Variants in CRYAB observed in about 807,000 individuals in gnomAD.
The protein encoded by CRYAB is crystallin alpha B, also known as alpha-crystallin B chain.
In CRYAB, 9 loss-of-function variants were observed where a neutral mutation model predicts 12.7. The observed-to-expected ratio is 0.71, with a 90% CI of 0.43 to 1.24. CRYAB has a LOEUF of 1.24. CRYAB is among the 50% of genes most tolerant of loss of function. The probability of loss-of-function intolerance (pLI) is 0.00; values close to 1 mark genes in which losing one functional copy is unlikely to be tolerated. For missense variants in CRYAB, 183 were observed against 226.6 expected, an observed-to-expected ratio of 0.81 and a Z score of 1.24; for synonymous variants, 93 against 86.8, an observed-to-expected ratio of 1.07 and a Z score of -0.40.
intron 2 of CRYAB, chr11:111,909,326 G>T (rs1965379127): frequency 2.2e-6 from 1 of 447,684 alleles, no homozygotes; most frequent in Admixed American, 2.5e-5. Flanking sequence ...AAATTGTCCT[G>T]ACTCTTCAGG....
chr11:111,921,660 T>G (rs1321787167), intron 1 of CRYAB, among the ~76,000 whole-genome samples: 1 of 152,200 alleles, frequency 6.6e-6, no homozygotes. Flanking sequence ...TTCTCTTTCT[T>G]CCCAAGTGTT....
At chr11:111,921,928 G>T (rs778660491) in intron 1 of CRYAB, among the ~76,000 whole-genome samples, 16 of 152,080 alleles carry the variant, frequency 1.1e-4, no homozygotes, top group South Asian at 1.0e-3. Flanking sequence ...AGCCTCCCAG[G>T]TGTAAGCGAT....
upstream of CRYAB, chr11:111,912,732 A>G: frequency 3.1e-6 from 1 of 324,020 alleles, no homozygotes; most frequent in Non-Finnish European, 4.6e-6. Context: ...CCCCGCCCCC[A>G]CCTCCTATCG....
rs1965687098 is a variant in CRYAB at position 111,920,929 on chromosome 11, T to C, written c.-199+2774A>G. On this transcript the variant is annotated intron_variant, in intron 1 of 3. Transcript: ENST00000527950. ...TAAAATGTAGATAATACATCCTACA[T>C]TGTGTAGATCACAGGCTTATTTTGA... 1.3e-5 allele frequency among the ~76,000 whole-genome samples: 2 copies of C among 152,214 alleles called. 1 individual carries two copies. Among genetic ancestry groups the C allele is most frequent in the South Asian group, 4.1e-4 (2 of 4,832 alleles).
upstream of CRYAB, among the ~76,000 whole-genome samples, chr11:111,914,250 T>C (rs1555165973): frequency 6.6e-6 from 1 of 152,172 alleles, no homozygotes; most frequent in Non-Finnish European, 1.5e-5. Context: ...ACCCGGAAGC[T>C]GACTCTGGCT....
At chr11:111,914,730 A>C (rs1965570945), upstream of CRYAB, among the ~76,000 whole-genome samples, 1 of 152,182 alleles carries the variant, frequency 6.6e-6, no homozygotes, top group Non-Finnish European at 1.5e-5. Context: ...TCCTGCCTCC[A>C]AATACATATT....
At chr11:111,910,473 T>C (rs1965419052) in intron 1 of CRYAB, 24 bp from the exon 2 acceptor site, 1 of 1,614,028 alleles carries the variant, frequency 6.2e-7, no homozygotes, top group Non-Finnish European at 8.5e-7. Context: ...GGTAAGGGAA[T>C]GGGATGGGAG....
intron 1 of CRYAB, among the ~76,000 whole-genome samples, chr11:111,911,052 G>A (rs1555165492): frequency 1.3e-5 from 2 of 152,126 alleles, no homozygotes; most frequent in Non-Finnish European, 2.9e-5. Flanking sequence ...GCGCCCTGTC[G>A]TAGCCCTGAG....
chr11:111,913,482 G>T (rs377506407), upstream of CRYAB: 21 of 1,612,800 alleles, frequency 1.3e-5, no homozygotes, highest in Non-Finnish European at 1.8e-5. Context: ...ACTCTACCAT[G>T]GCTACTATGT....
upstream of CRYAB, chr11:111,913,332 T>C: frequency 1.2e-6 from 1 of 833,784 alleles, no homozygotes; most frequent in Non-Finnish European, 1.9e-6. Flanking sequence ...CTACTCCTCC[T>C]GACTCCCCTC....
intron 1 of CRYAB, among the ~76,000 whole-genome samples, chr11:111,919,484 CAA>C (rs146540775): frequency 6.6e-6 from 1 of 150,668 alleles, no homozygotes; most frequent in Non-Finnish European, 1.5e-5. Flanking sequence ...ACAACAACAA[CAA>C]AAAAAAACAG....
chr11:111,914,848 G>A (rs1313249732), upstream of CRYAB, among the ~76,000 whole-genome samples: 1 of 152,180 alleles, frequency 6.6e-6, no homozygotes. Flanking sequence ...GGCCGAGGCA[G>A]GAGGATCACT....
Position 111,910,474 on chromosome 11 carries a change from G to A in CRYAB, c.202-25C>T, listed in dbSNP as rs199936407. On this transcript the variant is annotated intron_variant, in intron 1 of 2. Coordinates refer to ENST00000650687, the MANE Select transcript of CRYAB (RefSeq NM_001289808.2). ...TCTAGAAATAGCAAGGTAAGGGAAT[G>A]GGATGGGAGAAAGAGGGCAAAAATA... 4.7e-4 allele frequency: 765 copies of A among 1,613,942 alleles called. 6 individuals are homozygous for A. Among genetic ancestry groups the A allele is most frequent in the Middle Eastern group, 9.9e-4 (6 of 6,080 alleles).
chr11:111,920,460 C>T (rs1207640487), intron 1 of CRYAB, among the ~76,000 whole-genome samples: 2 of 151,886 alleles, frequency 1.3e-5, no homozygotes, highest in South Asian at 2.1e-4. Context: ...ATCCCTTAAG[C>T]TTGGGAGACA....
intron 2 of CRYAB, chr11:111,909,828 G>A (rs1186865497): frequency 1.0e-5 from 3 of 295,550 alleles, no homozygotes; most frequent in Non-Finnish European, 1.9e-5. Context: ...ATGTAATTAT[G>A]CAAAGCAACT....
upstream of CRYAB, among the ~76,000 whole-genome samples, chr11:111,916,283 T>A (rs1015331197): frequency 1.3e-5 from 2 of 151,584 alleles, no homozygotes; most frequent in Non-Finnish European, 2.9e-5. Flanking sequence ...AGGCTGGGTG[T>A]ACAGTGGTGT....
chr11:111,921,225 C>A (rs1965693385), intron 1 of CRYAB, among the ~76,000 whole-genome samples: 1 of 152,210 alleles, frequency 6.6e-6, no homozygotes, highest in Non-Finnish European at 1.5e-5. Flanking sequence ...ACTACTCATT[C>A]ATTTATCCAT....
At chr11:111,914,342 C>G (rs1965564361), upstream of CRYAB, among the ~76,000 whole-genome samples, 1 of 152,168 alleles carries the variant, frequency 6.6e-6, no homozygotes, top group South Asian at 2.1e-4. Flanking sequence ...GATATGCCAT[C>G]CAAACAGCCC....
intron 1 of CRYAB, among the ~76,000 whole-genome samples, chr11:111,922,248 A>G (rs1298356515): frequency 6.6e-6 from 1 of 152,250 alleles, no homozygotes. Context: ...TTCTAGAGAC[A>G]CTATACCAAA....
Sources: gnomAD v4.1 joint callset for allele counts (sites outside exome capture counted in the v4.1 genomes callset) on GRCh38, gnomAD v4.1.1 for gene constraint, MANE v1.5 for transcripts, NCBI Gene and HGNC (gene_info 2026-07-23, HGNC 2026-07-21) for gene names.